The following PES1 variants were observed in gnomAD, a reference collection of about 807,000 sequenced individuals.
PES1 encodes pescadillo homolog.
In PES1, 31 loss-of-function variants were observed where a neutral mutation model predicts 77.1. That is an observed-to-expected ratio of 0.40 (90% CI 0.30 to 0.54). The LOEUF (loss-of-function observed/expected upper bound fraction) is 0.54, where lower values mean the gene tolerates loss of function less well. PES1 is among the 20% of genes least tolerant of loss of function. PES1 has a pLI of 0.45. For missense variants in PES1, 658 were observed against 771.7 expected (o/e 0.85, Z 1.75); for synonymous variants, 282 against 303.0 (o/e 0.93, Z 0.72).
chr22:30,578,140 A>T (rs1168472004), intron 14 of PES1, among the ~76,000 whole-genome samples: 1 of 152,150 alleles, frequency 6.6e-6, no homozygotes, highest in Non-Finnish European at 1.5e-5. Context: ...GAAATTAGCC[A>T]GGTGTGGTGG....
intron 1 of PES1, among the ~76,000 whole-genome samples, chr22:30,606,078 C>G (rs1158955900): frequency 1.3e-5 from 2 of 152,186 alleles, no homozygotes; most frequent in East Asian, 3.8e-4. Context: ...CACTAGTTAA[C>G]TCGTATACAT....
At chr22:30,605,981 T>C (rs1329316898) in intron 1 of PES1, among the ~76,000 whole-genome samples, 1 of 152,220 alleles carries the variant, frequency 6.6e-6, no homozygotes, top group Admixed American at 6.5e-5. Context: ...ACTGTTAGGA[T>C]GATCTTGCCT....
chr22:30,584,522 C>A (rs2087041018), intron 5 of PES1, 24 bp downstream of exon 5: 2 of 1,608,266 alleles, frequency 1.2e-6, no homozygotes, highest in South Asian at 1.1e-5. Context: ...GGGTGGGATG[C>A]CAGCCGGGCA....
intron 2 of PES1, chr22:30,603,878 TTGAC>T (rs2087397266): frequency 6.6e-6 from 1 of 152,176 alleles, no homozygotes; most frequent in Non-Finnish European, 1.5e-5. Context: ...AACCCAGTTG[TTGAC>T]TTATTCCAAT....
At chr22:30,578,754 G>T (rs559173887) in intron 14 of PES1, 83 bp downstream of exon 14, 13 of 1,443,168 alleles carry the variant, frequency 9.0e-6, no homozygotes, top group Middle Eastern at 2.5e-4. Context: ...CTGCCTAGAG[G>T]AGGGCCCCAA....
At chr22:30,593,209 G>A (rs183911608), upstream of PES1, among the ~76,000 whole-genome samples, 77 of 152,230 alleles carry the variant, frequency 5.1e-4, no homozygotes, top group East Asian at 9.9e-3. Context: ...AGATGAAGCC[G>A]GGCACGGTCG....
rs2086909610 is a variant in PES1 at position 30,577,013 on chromosome 22, G to C, written c.*33C>G. ...CCTCTGCCACATCCAGCTGCTAGGG[G>C]CTGGCCTCAGCCCTGTGAGGGGCCG... On this transcript the variant is annotated 3_prime_UTR_variant, in exon 15 of 15. Transcript: ENST00000354694. 1 of 1,576,044 alleles carries C rather than the reference G, an allele frequency of 6.3e-7. No individual in the cohort carries two copies. The highest frequency in any genetic ancestry group is 8.7e-7 in the Non-Finnish European group (1 of 1,146,294).
chr22:30,580,465 A>G, intron 10 of PES1, 106 bp downstream of exon 10: 1 of 1,428,214 alleles, frequency 7.0e-7, no homozygotes, highest in Non-Finnish European at 9.7e-7. Flanking sequence ...GTTTCATAAG[A>G]AGTGGAAACT....
At chr22:30,582,818 C>T (rs574979035) in intron 6 of PES1, among the ~76,000 whole-genome samples, 1 of 152,344 alleles carries the variant, frequency 6.6e-6, no homozygotes, top group African/African-American at 2.4e-5. Flanking sequence ...TGGGGACCAA[C>T]CCCATTTCCC....
chr22:30,591,973 C>T (rs16988803), upstream of PES1: 223,251 of 1,397,392 alleles, frequency 0.16, 18,583 homozygotes, highest in Middle Eastern at 0.2. Context: ...GATGCCTGTA[C>T]AAGTCCAGGG....
intron 12 of PES1, 198 bp from the exon 13 acceptor site, chr22:30,579,501 T>C (rs2086949404): frequency 1.2e-6 from 1 of 857,564 alleles, no homozygotes; most frequent in Non-Finnish European, 1.8e-6. Context: ...CCCCCAGTCC[T>C]GAGCTCTGTC....
intron 4 of PES1, among the ~76,000 whole-genome samples, chr22:30,586,691 C>T (rs1000268704): frequency 6.6e-6 from 1 of 152,142 alleles, no homozygotes; most frequent in Non-Finnish European, 1.5e-5. Context: ...AGGCTGAGTG[C>T]GGTGACTCAC....
In PES1 at chr22:30,589,256, C is replaced by A. The variant is rs202113383; in HGVS notation, c.39G>T (p.Ser13=). The stretch of plus-strand genomic sequence containing the variant: ...TGTTCCGGGTGATGTAGTTGGTGGC[C>A]GAGCCTCGTTCATACTGGGAGAGGA... ...GLEKKKYERG[S]ATNYITRNKA... is the part of the protein sequence containing the mutation. Residue 13 remains serine (S), a synonymous_variant, in exon 2 of 15, where the codon TCG becomes TCT. Coordinates refer to ENST00000354694, the MANE Select transcript of PES1 (RefSeq NM_014303.4). 3.7e-6 allele frequency: 6 copies of A among 1,613,504 alleles called. No homozygotes were observed. The highest frequency in any genetic ancestry group is 5.1e-6 in the Non-Finnish European group (6 of 1,179,796).
In PES1 at chr22:30,579,274, C is replaced by G. The variant is rs1274403803; in HGVS notation, c.1384G>C (p.Glu462Gln). The G allele has an allele frequency of 1.1e-5, 17 of 1,601,226 alleles. No individual in the cohort carries two copies. Among genetic ancestry groups the G allele is most frequent in the Non-Finnish European group, 1.4e-5 (16 of 1,179,536 alleles). The change falls in exon 13 of 15, where the codon GAA (glutamate) becomes CAA (glutamine). Residue 462 changes from glutamate (E) to glutamine (Q), a missense_variant. Physicochemically the swap from Glu to Gln is conservative, Grantham distance 29. Transcript: ENST00000354694. Reference sequence around the variant, plus strand: ...TCACCTTCGTTGTTGTCGTCCTCTTCCTCCTCCTCTTCTGACTCATTCAGG... The same window carrying G: ...TCACCTTCGTTGTTGTCGTCCTCTTGCTCCTCCTCTTCTGACTCATTCAGG... ...GNLNESEEEE[E>Q]EDDNNEGDGD...
intron 6 of PES1, among the ~76,000 whole-genome samples, 170 bp from the exon 7 acceptor site, chr22:30,581,814 C>A (rs1338315913): frequency 6.6e-6 from 1 of 152,170 alleles, no homozygotes; most frequent in African/African-American, 2.4e-5. Context: ...TGGATCTTCC[C>A]ACCAGGGGCG....
upstream of PES1, among the ~76,000 whole-genome samples, chr22:30,594,547 C>T (rs2087228343): frequency 2.0e-5 from 3 of 152,000 alleles, no homozygotes; most frequent in South Asian, 6.2e-4. Flanking sequence ...GGCACGGTGC[C>T]TCACACCTGT....
In PES1 at chr22:30,584,565, G is replaced by C. The variant is rs1029686946; in HGVS notation, c.521C>G (p.Ala174Gly). ...GCTCACCTTGCGCAGGGCACGGGCAGCGATAATGTAGTGCATGAACTCCAC... is the reference window on the plus strand; with the variant it reads ...GCTCACCTTGCGCAGGGCACGGGCACCGATAATGTAGTGCATGAACTCCAC... Reference protein sequence around the residue: ...LTVEFMHYIIAARALRKVFLS... With the variant: ...LTVEFMHYIIGARALRKVFLS... Residue 174 changes from alanine to glycine, a missense_variant, in exon 5 of 15, where the codon GCT becomes GGT. Coordinates refer to ENST00000354694, the MANE Select transcript of PES1 (RefSeq NM_014303.4). 1 of 1,611,692 alleles carries C rather than the reference G, an allele frequency of 6.2e-7. No individual in the cohort carries two copies. Among genetic ancestry groups the C allele is most frequent in the Admixed American group, 1.7e-5 (1 of 59,650 alleles).
intron 1 of PES1, among the ~76,000 whole-genome samples, chr22:30,591,536 C>T (rs1379444980): frequency 6.6e-6 from 1 of 152,208 alleles, no homozygotes; most frequent in Non-Finnish European, 1.5e-5. Context: ...GGTCCCACGG[C>T]TCGGCCTGCT....
In PES1 at chr22:30,584,459, G is replaced by C. The variant is rs189005102; in HGVS notation, c.541-5C>G. Reference sequence around the variant, plus strand: ...GCCTTTGATGGACAGGAAGACCTAGGGGAGAGGAGGAGACATCTGGGTGAA... The same window carrying C: ...GCCTTTGATGGACAGGAAGACCTAGCGGAGAGGAGGAGACATCTGGGTGAA... On this transcript the variant is annotated splice_region_variant and splice_polypyrimidine_tract_variant and intron_variant, in intron 5 of 14. Coordinates refer to ENST00000354694, the MANE Select transcript of PES1 (RefSeq NM_014303.4). 217 of 1,611,570 alleles carry C rather than the reference G, an allele frequency of 1.3e-4. No homozygotes were observed. The East Asian group carries it at 4.6e-3, about 34-fold the overall frequency.
Sources: gnomAD v4.1 joint callset for allele counts (sites outside exome capture counted in the v4.1 genomes callset) on GRCh38, gnomAD v4.1.1 for gene constraint, MANE v1.5 for transcripts, NCBI Gene and HGNC (gene_info 2026-07-23, HGNC 2026-07-21) for gene names.